Variants in ALG12 observed in about 807,000 individuals in gnomAD.
The protein encoded by ALG12 is dol-P-Man:Man(7)GlcNAc(2)-PP-Dol alpha-1,6-mannosyltransferase.
A neutral mutation model predicts 46.0 loss-of-function variants in ALG12; 36 were observed. That is an observed-to-expected ratio of 0.78 (90% CI 0.60 to 1.03). ALG12 has a LOEUF of 1.03. ALG12 is among the 50% of genes least tolerant of loss of function. The probability of loss-of-function intolerance (pLI) is 0.00; values close to 1 mark genes in which losing one functional copy is unlikely to be tolerated. For synonymous variants in ALG12, 326 were observed against 291.6 expected, an observed-to-expected ratio of 1.12 and a Z score of -1.20; for missense variants, 599 against 633.5, an observed-to-expected ratio of 0.95 and a Z score of 0.58.
the ALG12 span, among the ~76,000 whole-genome samples, chr22:49,870,124 G>A: frequency 1.3e-5 from 2 of 152,202 alleles, no homozygotes; most frequent in Non-Finnish European, 2.9e-5. Context: ...ATGGTCTCCA[G>A]ATGCATGCAT....
chr22:49,883,792 A>G, the ALG12 span: 2 of 1,613,542 alleles, frequency 1.2e-6, no homozygotes, highest in Non-Finnish European at 1.7e-6. Flanking sequence ...GGACTTTAAA[A>G]GCGAGCAGGA....
the ALG12 span, among the ~76,000 whole-genome samples, chr22:49,864,061 T>C: frequency 5.3e-5 from 8 of 152,186 alleles, no homozygotes; most frequent in Non-Finnish European, 4.4e-5. Flanking sequence ...TCTGGTTTCT[T>C]TTAAGGGCTT....
At chr22:49,876,236 A>G in the ALG12 span, among the ~76,000 whole-genome samples, 2 of 152,206 alleles carry the variant, frequency 1.3e-5, no homozygotes, top group South Asian at 4.1e-4. Flanking sequence ...GTACACTTGT[A>G]AATAATGTGT....
At chr22:49,881,697 T>G in the ALG12 span, among the ~76,000 whole-genome samples, 1 of 152,228 alleles carries the variant, frequency 6.6e-6, no homozygotes, top group Admixed American at 6.5e-5. Flanking sequence ...TGTTTGTTTG[T>G]TTTGTTTTTT....
rs1221227683 is a variant in ALG12 at position 49,902,071 on chromosome 22, GGT to G, written c.*1765_*1766del. Reference sequence around the variant, plus strand: ...TAACGTACACGTGTGCACTGTGTGTGGTGTGCATGCATGGTGTGTGCACGTGT... The same window carrying G: ...TAACGTACACGTGTGCACTGTGTGTGGTGCATGCATGGTGTGTGCACGTGT... On this transcript the variant is annotated 3_prime_UTR_variant, in exon 10 of 10. Transcript: ENST00000330817. The G allele has an allele frequency of 9.4e-5, 13 of 138,328 alleles. No individual in the cohort carries two copies. The highest frequency in any genetic ancestry group is 1.8e-4 in the Non-Finnish European group (12 of 66,326). The allele number at this position is 138,328 out of a possible 1,614,324, so 8.6% of individuals were successfully genotyped here. A position where few individuals can be genotyped will look rare whatever the true frequency, so the allele number is the denominator to read the frequency against.
chr22:49,870,902 A>C, the ALG12 span, among the ~76,000 whole-genome samples: 1 of 151,560 alleles, frequency 6.6e-6, no homozygotes, highest in Non-Finnish European at 1.5e-5. Context: ...CAAAATCATA[A>C]TTCACGTAGC....
the ALG12 span, chr22:49,886,983 G>T: frequency 6.2e-7 from 1 of 1,614,152 alleles, no homozygotes; most frequent in Non-Finnish European, 8.5e-7. The surrounding 1 kb of genome is among the most constrained non-coding windows in gnomAD (Gnocchi z 7.7). Context: ...GGAACCTGAA[G>T]AAGGCGTCCT....
At chr22:49,874,247 A>T in the ALG12 span, among the ~76,000 whole-genome samples, 2 of 152,246 alleles carry the variant, frequency 1.3e-5, no homozygotes, top group Non-Finnish European at 2.9e-5. Context: ...GATGCGTCTC[A>T]TAAGGCTGAA....
chr22:49,877,286 T>C, the ALG12 span, among the ~76,000 whole-genome samples: 4 of 151,192 alleles, frequency 2.6e-5, no homozygotes, highest in Admixed American at 2.6e-4. Context: ...TATTTATTTA[T>C]TTATTTATTT....
At chr22:49,866,596 T>C in the ALG12 span, among the ~76,000 whole-genome samples, 1 of 152,222 alleles carries the variant, frequency 6.6e-6, no homozygotes, top group Non-Finnish European at 1.5e-5. Context: ...TCTTAATTTC[T>C]TTAGTTTCTT....
the ALG12 span, chr22:49,890,055 TA>T: frequency 6.0e-6 from 1 of 166,310 alleles, no homozygotes; most frequent in African/African-American, 2.4e-5. Flanking sequence ...GATAAAAAAA[TA>T]AAAACTTTAT....
the ALG12 span, among the ~76,000 whole-genome samples, chr22:49,873,341 G>A: frequency 5.9e-5 from 9 of 152,204 alleles, no homozygotes; most frequent in African/African-American, 2.2e-4. Context: ...AGGGAAGAGG[G>A]AGGCTGGAGG....
At chr22:49,867,911 C>G in the ALG12 span, among the ~76,000 whole-genome samples, 1 of 152,226 alleles carries the variant, frequency 6.6e-6, no homozygotes, top group South Asian at 2.1e-4. Context: ...GGCAGAATCA[C>G]CTGACACAAA....
intron 1 of ALG12, among the ~76,000 whole-genome samples, chr22:49,914,977 C>T (rs1190535112): frequency 6.6e-6 from 1 of 152,360 alleles, no homozygotes; most frequent in Admixed American, 6.5e-5. Flanking sequence ...CATCTTCCTA[C>T]CTTGGCCTCC....
the ALG12 span, among the ~76,000 whole-genome samples, chr22:49,892,381 G>C: frequency 6.6e-6 from 1 of 152,134 alleles, no homozygotes; most frequent in Admixed American, 6.5e-5. Context: ...CAGAGCTGGC[G>C]TGGTGTCACT....
chr22:49,886,158 G>A, the ALG12 span: 1 of 695,232 alleles, frequency 1.4e-6, no homozygotes, highest in South Asian at 1.6e-5. This position sits in a 1 kb window ranked among gnomAD's most constrained non-coding sequence, Gnocchi z 7.7. Context: ...GCCATACGGT[G>A]AACCTGATCG....
At chr22:49,897,475 G>C (rs1042123842), downstream of ALG12, among the ~76,000 whole-genome samples, 1 of 152,066 alleles carries the variant, frequency 6.6e-6, no homozygotes, top group Non-Finnish European at 1.5e-5. Flanking sequence ...CTCCACATCC[G>C]CACCAGCACT....
Position 49,905,960 on chromosome 22 carries a change from C to T in ALG12, c.993-1454G>A, listed in dbSNP as rs560307327. On this transcript the variant is annotated intron_variant, in intron 7 of 9. Coordinates refer to ENST00000330817, the MANE Select transcript of ALG12 (RefSeq NM_024105.4). This position sits in a 1 kb window ranked among gnomAD's most constrained non-coding sequence, Gnocchi z 4.9. Reference sequence around the variant, plus strand: ...ACTGTGGAAAGCTCGCAATCAGAAACCTTCCACCCCCAGGACTGTCTCAAG... The same window carrying T: ...ACTGTGGAAAGCTCGCAATCAGAAATCTTCCACCCCCAGGACTGTCTCAAG... Among the ~76,000 whole-genome samples the T allele has an allele frequency of 6.6e-6, 1 of 152,276 alleles. No individual in the cohort carries two copies. The highest frequency in any genetic ancestry group is 2.4e-5 in the African/African-American group (1 of 41,558).
the ALG12 span, among the ~76,000 whole-genome samples, chr22:49,880,426 C>G: frequency 9.7e-3 from 1,474 of 152,350 alleles, 17 homozygotes; most frequent in South Asian, 0.067. Flanking sequence ...TCGAGACCAC[C>G]GGGCTCTGCC....
Sources: allele counts gnomAD v4.1 joint callset (sites outside exome capture counted in the v4.1 genomes callset), GRCh38; gene constraint gnomAD v4.1.1; non-coding constraint Gnocchi (gnomAD v3.1); transcripts MANE v1.5; gene names NCBI Gene and HGNC (gene_info 2026-07-23, HGNC 2026-07-21).